The following AAAS variants were observed in gnomAD, a reference collection of about 807,000 sequenced individuals.
AAAS encodes the protein aladin.
Under a neutral mutation model 75.6 loss-of-function variants are expected in AAAS, and 60 were observed. The observed-to-expected ratio is 0.79, with a 90% CI of 0.64 to 0.98. The LOEUF (loss-of-function observed/expected upper bound fraction) is 0.98. AAAS is among the 50% of genes least tolerant of loss of function. The pLI is 0.00. For synonymous variants in AAAS, 271 were observed against 265.0 expected (o/e 1.02, Z -0.22); for missense variants, 658 against 686.9 (o/e 0.96, Z 0.47).
chr12:53,314,494 G>T lies in AAAS; in HGVS notation c.546-53C>A, dbSNP rs1475687755. ...CAAGGCAGGAACACTAAGGCTCCAG[G>T]GACCAGAGTGCAGTTAAGGAGGGAA... is the stretch of plus-strand genomic sequence containing the variant. On this transcript the variant is annotated intron_variant, in intron 6 of 15. Transcript: ENST00000209873. 8 of 1,610,536 alleles carry T rather than the reference G, an allele frequency of 5.0e-6. No individual in the cohort carries two copies. In the East Asian group the frequency reaches 1.8e-4, roughly 36 times the overall value.
rs767296673 is a variant in AAAS at position 53,308,743 on chromosome 12, A to C, written c.1069T>G (p.Ser357Ala). The C allele has an allele frequency of 1.2e-6, 2 of 1,614,156 alleles. No individual in the cohort carries two copies. Among genetic ancestry groups the C allele is most frequent in the Non-Finnish European group, 1.7e-6 (2 of 1,180,048 alleles). The change falls in exon 11 of 16, where the codon TCT becomes GCT. Residue 357 changes from serine (S) to alanine (A), a missense_variant. Coordinates refer to ENST00000209873, the MANE Select transcript of AAAS (RefSeq NM_015665.6). The stretch of plus-strand genomic sequence containing the variant: ...AACTCACCACAACGTTCTGGAAAAG[A>C]CAGGGAGTAAATCAGTGGCTCTCCC... ...VLGEPLIYSL[S>A]FPERCGEGKG...
rs1354270060 is a variant in AAAS at position 53,319,815 on chromosome 12, A to G, written c.251+750T>C. Among the ~76,000 whole-genome samples, 47 of 135,288 alleles carry G rather than the reference A, an allele frequency of 3.5e-4. 3 individuals are homozygous for G. Among genetic ancestry groups the G allele is most frequent in the African/African-American group, 9.8e-4 (37 of 37,618 alleles). 88.8% of individuals were successfully genotyped at this position (135,288 alleles called of 152,430 possible). A position where few individuals can be genotyped will look rare whatever the true frequency, so the allele number is the denominator to read the frequency against. ...AAGACTCCGTCTCAAAAAAAAAAAA[A>G]AAAAAAAAAAGAAAAAGAAAATGAG... On this transcript the variant is annotated intron_variant, in intron 2 of 15. Coordinates refer to ENST00000209873, the MANE Select transcript of AAAS (RefSeq NM_015665.6).
intron 2 of AAAS, among the ~76,000 whole-genome samples, chr12:53,317,893 G>C (rs1301467479): frequency 6.6e-6 from 1 of 152,180 alleles, no homozygotes; most frequent in African/African-American, 2.4e-5. Flanking sequence ...AAAGGAAAGA[G>C]CAATACAACA....
Position 53,308,783 on chromosome 12 carries a change from C to T in AAAS, c.1029G>A (p.Leu343=), listed in dbSNP as rs2121086371. 1 of 1,614,120 alleles carries T rather than the reference C, an allele frequency of 6.2e-7. No individual in the cohort carries two copies. The highest frequency in any genetic ancestry group is 2.2e-5 in the East Asian group (1 of 44,894). ...GTGGCTCTCCCAATACAGTGAACAG[C>T]AGTCGGCTGCCATCTGGGCTCCAGC... ...TGCWSPDGSR[L]LFTVLGEPLI... is the part of the protein sequence containing the mutation. The change falls in exon 11 of 16, where the codon CTG becomes CTA. Residue 343 remains leucine (L), a synonymous_variant. Coordinates refer to ENST00000209873, the MANE Select transcript of AAAS (RefSeq NM_015665.6).
At chr12:53,311,915 C>T (rs1344144511) in intron 7 of AAAS, among the ~76,000 whole-genome samples, 1 of 151,838 alleles carries the variant, frequency 6.6e-6, no homozygotes, top group Non-Finnish European at 1.5e-5. Context: ...AGATTCCATC[C>T]CCCCCCAAAA....
intron 1 of AAAS, 130 bp from the exon 2 acceptor site, chr12:53,320,822 G>A: frequency 9.4e-7 from 1 of 1,064,314 alleles, no homozygotes; most frequent in Non-Finnish European, 1.4e-6. Flanking sequence ...TTTCCACAAA[G>A]CTAACACTTG....
At chr12:53,308,648 C>A (rs897185856) in intron 11 of AAAS, 77 bp downstream of exon 11, 1 of 1,598,122 alleles carries the variant, frequency 6.3e-7, no homozygotes, top group African/African-American at 1.3e-5. Context: ...TTCCCTTTAT[C>A]CCTCAGAGCT....
chr12:53,318,223 AGTGTGTGTGTGT>A (rs71443291), intron 2 of AAAS, among the ~76,000 whole-genome samples: 1 of 136,908 alleles, frequency 7.3e-6, no homozygotes, highest in East Asian at 2.2e-4. Flanking sequence ...ATGGGGTTTC[AGTGTGTGTGTGT>A]GTGTGTGTGC....
intron 5 of AAAS, 34 bp from the exon 6 acceptor site, chr12:53,314,883 C>A: frequency 6.3e-7 from 1 of 1,585,924 alleles, no homozygotes; most frequent in Non-Finnish European, 8.6e-7. Context: ...AGTTCCTGCA[C>A]CTATCCCTAC....
intron 2 of AAAS, among the ~76,000 whole-genome samples, chr12:53,320,034 C>T (rs1269112964): frequency 2.0e-5 from 3 of 151,728 alleles, no homozygotes; most frequent in African/African-American, 7.3e-5. Flanking sequence ...GCAGAAGAAT[C>T]GCTTGAACCT....
chr12:53,319,905 G>A (rs892836867), intron 2 of AAAS, among the ~76,000 whole-genome samples: 1 of 151,634 alleles, frequency 6.6e-6, no homozygotes, highest in Middle Eastern at 3.4e-3. Flanking sequence ...CACATCATCT[G>A]AGGTCGGAAG....
Position 53,309,259 on chromosome 12 carries a change from GTC to G in AAAS, c.831_832del (p.Glu277AspfsTer45), listed in dbSNP as rs1944348406. 6.2e-7 allele frequency: 1 copy of G among 1,614,034 alleles called. No individual in the cohort carries two copies. Among genetic ancestry groups the G allele is most frequent in the Non-Finnish European group, 8.5e-7 (1 of 1,180,022 alleles). ...TCGGAACCAGGGAAGGGGGACACAG[GTC>G]TCTGTTGAGACATCCCATACCTAGG... On this transcript the variant is annotated frameshift_variant, in exon 9 of 16. Coordinates refer to ENST00000209873, the MANE Select transcript of AAAS (RefSeq NM_015665.6). LOFTEE classifies it high-confidence loss of function.
chr12:53,314,287 C>T lies in AAAS; in HGVS notation c.689+11G>A, dbSNP rs1394180701. Reference sequence around the variant, plus strand: ...TCTCAGGCCAAGGTAAGGCAGGCTACTAGGACTTACCGGGTAGACAAGGAG... The same window carrying T: ...TCTCAGGCCAAGGTAAGGCAGGCTATTAGGACTTACCGGGTAGACAAGGAG... On this transcript the variant is annotated intron_variant, in intron 7 of 15. Transcript: ENST00000209873. The T allele has an allele frequency of 1.9e-6, 3 of 1,614,034 alleles. No homozygotes were observed. Among genetic ancestry groups the T allele is most frequent in the Admixed American group, 3.3e-5 (2 of 60,002 alleles).
chr12:53,308,120 T>TA lies in AAAS; in HGVS notation c.1262dup (p.Gln422ThrfsTer4). Reference sequence around the variant, plus strand: ...GGAGGATGACTGGTTTACCATCCTGTACCCTTGGCTTTCCTGTAAGAAATG... The same window carrying TA: ...GGAGGATGACTGGTTTACCATCCTGTAACCCTTGGCTTTCCTGTAAGAAATG... On this transcript the variant is annotated frameshift_variant, in exon 14 of 16. Transcript: ENST00000209873. LOFTEE classifies it high-confidence loss of function. The TA allele has an allele frequency of 6.2e-7, 1 of 1,614,214 alleles. No individual in the cohort carries two copies. Among genetic ancestry groups the TA allele is most frequent in the Non-Finnish European group, 8.5e-7 (1 of 1,180,034 alleles).
chr12:53,320,268 TG>T (rs1055061540), intron 2 of AAAS, among the ~76,000 whole-genome samples: 1 of 151,858 alleles, frequency 6.6e-6, no homozygotes, highest in African/African-American at 2.4e-5. Flanking sequence ...TGCCATGAGG[TG>T]GGGGCAGGGA....
rs765757844 is a variant in AAAS at position 53,308,754 on chromosome 12, A to G, written c.1058T>C (p.Ile353Thr). 1 of 1,614,150 alleles carries G rather than the reference A, an allele frequency of 6.2e-7. No individual in the cohort carries two copies. Among genetic ancestry groups the G allele is most frequent in the Admixed American group, 1.7e-5 (1 of 60,022 alleles). Residue 353 changes from isoleucine to threonine, a missense_variant, in exon 11 of 16, where the codon ATT becomes ACT. Transcript: ENST00000209873. ...ACGTTCTGGAAAAGACAGGGAGTAA[A>G]TCAGTGGCTCTCCCAATACAGTGAA... Reference protein sequence around the residue: ...LLFTVLGEPLIYSLSFPERCG... With the variant: ...LLFTVLGEPLTYSLSFPERCG...
At chr12:53,310,924 TG>T (rs761775068) in intron 7 of AAAS, among the ~76,000 whole-genome samples, 1 of 152,164 alleles carries the variant, frequency 6.6e-6, no homozygotes, top group Non-Finnish European at 1.5e-5. Flanking sequence ...ACATTTGACT[TG>T]TTTGTAATTT....
intron 7 of AAAS, among the ~76,000 whole-genome samples, chr12:53,311,771 C>T (rs919862356): frequency 3.3e-5 from 5 of 151,900 alleles, no homozygotes; most frequent in Non-Finnish European, 7.4e-5. Flanking sequence ...AAAAATTAGC[C>T]GGTGTGGTGG....
In AAAS at chr12:53,316,686, G is replaced by A. The variant is rs143297352; in HGVS notation, c.252-904C>T. On this transcript the variant is annotated intron_variant, in intron 2 of 15. Transcript: ENST00000209873. Reference sequence around the variant, plus strand: ...TGAGGCAGGAGAATCGCCTGAACCCGGGAGGTGGCGATTGCAGTGAGCCAA... The same window carrying A: ...TGAGGCAGGAGAATCGCCTGAACCCAGGAGGTGGCGATTGCAGTGAGCCAA... Among the ~76,000 whole-genome samples the A allele has an allele frequency of 3.4e-3, 508 of 147,780 alleles. 7 individuals carry two copies. The highest frequency in any genetic ancestry group is 0.012 in the African/African-American group (477 of 39,964).
Sources: gnomAD v4.1 joint callset for allele counts (sites outside exome capture counted in the v4.1 genomes callset) on GRCh38, gnomAD v4.1.1 for gene constraint, MANE v1.5 for transcripts, NCBI Gene and HGNC (gene_info 2026-07-23, HGNC 2026-07-21) for gene names.